STAM: variants seen among roughly 807,000 people sequenced by gnomAD.
STAM encodes signal transducing adaptor molecule.
Under a neutral mutation model 63.4 loss-of-function variants are expected in STAM, and 16 were observed. The observed-to-expected ratio is 0.25, with a 90% CI of 0.17 to 0.38. STAM has a LOEUF of 0.38. Among genes scored for constraint, STAM ranks in the 10% least tolerant of loss-of-function variants. STAM has a pLI of 1.00. For synonymous variants in STAM, 238 were observed against 223.9 expected (o/e 1.06, Z -0.56); for missense variants, 636 against 657.1 (o/e 0.97, Z 0.35).
At position 17,644,300 on chromosome 10, in the gene STAM, C is replaced by G. The variant is rs781851628; in HGVS notation, c.-40C>G. ...CGTCGAGCTCTGACTCCCGTGCTGT[C>G]GAGAGGGAGTCCCCGGGGACACCTC... On this transcript the variant is annotated 5_prime_UTR_variant, in exon 1 of 14. Coordinates refer to ENST00000377524, the MANE Select transcript of STAM (RefSeq NM_003473.4). 6.8e-6 allele frequency: 11 copies of G among 1,610,914 alleles called. No individual in the cohort carries two copies. The highest frequency in any genetic ancestry group is 3.3e-5 in the South Asian group (3 of 90,992).
Position 17,704,426 on chromosome 10 carries a change from T to C in STAM, c.913-5T>C, listed in dbSNP as rs1361209975. 1 of 1,613,096 alleles carries C rather than the reference T, an allele frequency of 6.2e-7. No individual in the cohort carries two copies. The highest frequency in any genetic ancestry group is 1.3e-5 in the African/African-American group (1 of 75,032). ...CTTTTTATATTAACTACTTAATTCC[T>C]GTAGGATAAAATGGACCAGTTGCTA... On this transcript the variant is annotated splice_region_variant and splice_polypyrimidine_tract_variant and intron_variant, in intron 9 of 13. Coordinates refer to ENST00000377524, the MANE Select transcript of STAM (RefSeq NM_003473.4).
In STAM at chr10:17,678,219, A is replaced by G. The variant is rs79888402; in HGVS notation, c.126-6456A>G. ...ACATTTCATATAAATGGAGCTCTGC[A>G]ATACATGTTCTTTTGTGATCAACTT... On this transcript the variant is annotated intron_variant, in intron 2 of 13. Coordinates refer to ENST00000377524, the MANE Select transcript of STAM (RefSeq NM_003473.4). Among the ~76,000 whole-genome samples, 804 of 152,046 alleles carry G rather than the reference A, an allele frequency of 5.3e-3. 13 individuals are homozygous for G. The highest frequency in any genetic ancestry group is 0.019 in the African/African-American group (779 of 41,442).
chr10:17,685,863 T>C (rs1835272700), intron 4 of STAM, among the ~76,000 whole-genome samples: 1 of 152,192 alleles, frequency 6.6e-6, no homozygotes, highest in Non-Finnish European at 1.5e-5. Context: ...AATTTTCAAT[T>C]AGTAATATGT....
chr10:17,689,513 T>A (rs1241160817), intron 5 of STAM, among the ~76,000 whole-genome samples: 1 of 152,226 alleles, frequency 6.6e-6, no homozygotes, highest in Non-Finnish European at 1.5e-5. Flanking sequence ...CTTAAAAAAA[T>A]TATGTCTTTG....
At chr10:17,676,726 A>C (rs1294920461) in intron 2 of STAM, among the ~76,000 whole-genome samples, 1 of 152,192 alleles carries the variant, frequency 6.6e-6, no homozygotes, top group Non-Finnish European at 1.5e-5. Flanking sequence ...GGGTACTGCC[A>C]TAGAGAATGA....
chr10:17,667,723 G>T (rs1463849015), intron 2 of STAM, among the ~76,000 whole-genome samples: 2 of 152,194 alleles, frequency 1.3e-5, no homozygotes, highest in Non-Finnish European at 2.9e-5. Context: ...AAAATAAAAA[G>T]GTAGACTGGT....
At position 17,700,178 on chromosome 10, in the gene STAM, AC is replaced by A; in HGVS notation, c.824-12del. 6.3e-7 allele frequency: 1 copy of A among 1,578,780 alleles called. No individual in the cohort carries two copies. The highest frequency in any genetic ancestry group is 8.6e-7 in the Non-Finnish European group (1 of 1,159,792). ...GTATTATTAAAAAAAGATAACTTTT[AC>A]ATATCTTACAGTTAAAACAGAGAAG... is the stretch of plus-strand genomic sequence containing the variant. On this transcript the variant is annotated splice_polypyrimidine_tract_variant and intron_variant, in intron 8 of 13. Transcript: ENST00000377524.
At chr10:17,704,563 TTAA>T (rs1270258480) in intron 10 of STAM, 45 bp downstream of exon 10, 5 of 1,462,684 alleles carry the variant, frequency 3.4e-6, no homozygotes, top group Non-Finnish European at 3.8e-6. Context: ...TAGTTAGAGG[TTAA>T]TAACTGGTGT....
At chr10:17,646,283 TG>T (rs1833517216) in intron 1 of STAM, among the ~76,000 whole-genome samples, 1 of 152,150 alleles carries the variant, frequency 6.6e-6, no homozygotes, top group African/African-American at 2.4e-5. Flanking sequence ...GCCTTATCCC[TG>T]GCCTTTATCC....
At chr10:17,703,123 G>A (rs947012531) in intron 9 of STAM, among the ~76,000 whole-genome samples, 1 of 151,520 alleles carries the variant, frequency 6.6e-6, no homozygotes, top group Non-Finnish European at 1.5e-5. Context: ...TTTAAATATT[G>A]TATAGTATTC....
intron 2 of STAM, among the ~76,000 whole-genome samples, chr10:17,677,261 A>G (rs544156937): frequency 1.6e-3 from 241 of 152,286 alleles, no homozygotes; most frequent in African/African-American, 5.6e-3. Context: ...TTTCCCCACC[A>G]TCCTTTCCAA....
chr10:17,665,654 A>G (rs1391591762), intron 2 of STAM, among the ~76,000 whole-genome samples: 4 of 152,006 alleles, frequency 2.6e-5, no homozygotes, highest in Non-Finnish European at 5.9e-5. Context: ...GGTTAGTGGC[A>G]TGTAGAATAT....
intron 13 of STAM, 140 bp downstream of exon 13, chr10:17,709,091 G>A: frequency 1.0e-6 from 1 of 971,502 alleles, no homozygotes; most frequent in South Asian, 2.0e-5. Context: ...GCTAATGAGT[G>A]GTGGAGCCTC....
intron 5 of STAM, among the ~76,000 whole-genome samples, chr10:17,690,963 T>G (rs1262833711): frequency 3.3e-5 from 5 of 152,334 alleles, no homozygotes; most frequent in Non-Finnish European, 7.4e-5. Context: ...AGCTTATTTC[T>G]GCGCTTCTCT....
chr10:17,668,993 A>G (rs1834515597), intron 2 of STAM, among the ~76,000 whole-genome samples: 1 of 152,198 alleles, frequency 6.6e-6, no homozygotes, highest in Admixed American at 6.5e-5. Context: ...TGATTGCTAG[A>G]TCATATGGTA....
intron 2 of STAM, among the ~76,000 whole-genome samples, chr10:17,665,919 C>T (rs1249306924): frequency 2.0e-5 from 3 of 152,060 alleles, no homozygotes; most frequent in African/African-American, 7.2e-5. Flanking sequence ...GAATGCCCAG[C>T]CAATTAGGTC....
At chr10:17,667,325 G>C (rs1027352704) in intron 2 of STAM, among the ~76,000 whole-genome samples, 1 of 151,990 alleles carries the variant, frequency 6.6e-6, no homozygotes, top group Admixed American at 6.6e-5. Flanking sequence ...GGGTTTCAAC[G>C]TATTGGTCAG....
chr10:17,706,902 A>G (rs1271219498), intron 12 of STAM, among the ~76,000 whole-genome samples: 1 of 152,250 alleles, frequency 6.6e-6, no homozygotes, highest in African/African-American at 2.4e-5. Flanking sequence ...GCAGTGAAAA[A>G]AAAATGAGGT....
At chr10:17,657,601 C>G (rs1416403055) in intron 1 of STAM, among the ~76,000 whole-genome samples, 1 of 152,124 alleles carries the variant, frequency 6.6e-6, no homozygotes, top group Non-Finnish European at 1.5e-5. Flanking sequence ...CCTGTGCTTT[C>G]TGTTTTAGAA....
Sources: allele counts gnomAD v4.1 joint callset (sites outside exome capture counted in the v4.1 genomes callset), GRCh38; gene constraint gnomAD v4.1.1; transcripts MANE v1.5; gene names NCBI Gene and HGNC (gene_info 2026-07-23, HGNC 2026-07-21).